The following CIMIP4 variants were observed in gnomAD, a reference collection of about 807,000 sequenced individuals.
CIMIP4 encodes protein EAN57.
At chr22:37,003,821 C>G in the CIMIP4 span, 1 of 687,408 alleles carries the variant, frequency 1.5e-6, no homozygotes, top group Non-Finnish European at 2.2e-6. Flanking sequence ...ACAGAATGCC[C>G]CCCTAGGAAG....
chr22:36,999,957 C>T, the CIMIP4 span: 52 of 1,613,198 alleles, frequency 3.2e-5, no homozygotes, highest in East Asian at 4.7e-4. Flanking sequence ...TTCTGGCCCT[C>T]GAAGACTTCA....
the CIMIP4 span, among the ~76,000 whole-genome samples, chr22:37,006,789 G>T: frequency 6.6e-6 from 1 of 152,166 alleles, no homozygotes; most frequent in Admixed American, 6.5e-5. Flanking sequence ...CTCCCCTTTG[G>T]TGTGGACTGG....
the CIMIP4 span, among the ~76,000 whole-genome samples, chr22:36,997,756 C>G: frequency 6.6e-6 from 1 of 152,208 alleles, no homozygotes; most frequent in Non-Finnish European, 1.5e-5. Context: ...CATCTCACTC[C>G]GAGTAAAGAC....
At chr22:37,002,200 C>A in the CIMIP4 span, 1 of 1,481,132 alleles carries the variant, frequency 6.8e-7, no homozygotes, top group South Asian at 1.4e-5. Context: ...GACCCTGGTT[C>A]TTGAACTTGG....
the CIMIP4 span, chr22:37,003,854 A>G: frequency 9.8e-6 from 11 of 1,120,770 alleles, no homozygotes; most frequent in Non-Finnish European, 1.1e-5. Flanking sequence ...GTGGGTCTGG[A>G]GGCCAACACA....
At chr22:36,991,950 A>C in the CIMIP4 span, among the ~76,000 whole-genome samples, 1 of 152,204 alleles carries the variant, frequency 6.6e-6, no homozygotes, top group Non-Finnish European at 1.5e-5. Flanking sequence ...AAATTCAAAC[A>C]TGCACAAGCA....
chr22:37,002,478 C>T, the CIMIP4 span, among the ~76,000 whole-genome samples: 2 of 152,030 alleles, frequency 1.3e-5, no homozygotes, highest in Admixed American at 1.3e-4. Context: ...GCGCAGGAAC[C>T]AGAGGCATGG....
chr22:36,995,327 A>G, the CIMIP4 span, among the ~76,000 whole-genome samples: 1 of 152,176 alleles, frequency 6.6e-6, no homozygotes, highest in Non-Finnish European at 1.5e-5. Context: ...TGTCCTTACC[A>G]TGGGCTGACC....
the CIMIP4 span, among the ~76,000 whole-genome samples, chr22:36,998,812 G>A: frequency 6.6e-6 from 1 of 152,204 alleles, no homozygotes; most frequent in East Asian, 1.9e-4. Context: ...CTTCCCAGGT[G>A]GCGCCACCTC....
the CIMIP4 span, chr22:36,991,430 T>C: frequency 6.3e-7 from 1 of 1,591,384 alleles, no homozygotes; most frequent in Non-Finnish European, 8.6e-7. Flanking sequence ...CAACACACCC[T>C]GCTGGTGGAG....
At chr22:36,998,662 T>C in the CIMIP4 span, among the ~76,000 whole-genome samples, 5 of 152,140 alleles carry the variant, frequency 3.3e-5, no homozygotes, top group South Asian at 2.1e-4. Flanking sequence ...TGCAGACTAC[T>C]GAGAGTTCTA....
chr22:37,003,072 A>G, the CIMIP4 span, among the ~76,000 whole-genome samples: 50 of 152,232 alleles, frequency 3.3e-4, 1 homozygote, highest in Admixed American at 1.3e-4. Flanking sequence ...CCAAAACTTC[A>G]AGTCCTCTTA....
the CIMIP4 span, among the ~76,000 whole-genome samples, chr22:36,995,117 A>G: frequency 0.017 from 2,623 of 152,338 alleles, 29 homozygotes; most frequent in Non-Finnish European, 0.025. Flanking sequence ...AAAGAGGAAG[A>G]CACCAAATAG....
the CIMIP4 span, among the ~76,000 whole-genome samples, chr22:36,992,742 C>A: frequency 6.6e-6 from 1 of 151,840 alleles, no homozygotes; most frequent in African/African-American, 2.4e-5. Context: ...AATAGCAGAT[C>A]AAATAAAGCT....
At chr22:36,994,634 T>TC in the CIMIP4 span, among the ~76,000 whole-genome samples, 138 of 148,558 alleles carry the variant, frequency 9.3e-4, 1 homozygote, top group African/African-American at 3.3e-3. Flanking sequence ...CCTGAGATTT[T>TC]TTTTTTTTTT....
the CIMIP4 span, among the ~76,000 whole-genome samples, chr22:37,002,554 A>G: frequency 2.6e-5 from 4 of 152,192 alleles, no homozygotes; most frequent in African/African-American, 9.7e-5. Context: ...GGGCAGGGTT[A>G]GTCCACATTG....
At chr22:37,001,705 G>T in the CIMIP4 span, 1 of 938,238 alleles carries the variant, frequency 1.1e-6, no homozygotes, top group Non-Finnish European at 1.5e-6. Context: ...CACAGTGTTT[G>T]GCACACAGCA....
chr22:36,991,439 A>C, the CIMIP4 span: 1 of 1,595,820 alleles, frequency 6.3e-7, no homozygotes, highest in Middle Eastern at 1.8e-4. Flanking sequence ...CTGCTGGTGG[A>C]GGACAGTCCC....
chr22:36,999,108 T>C, the CIMIP4 span, among the ~76,000 whole-genome samples: 1 of 151,762 alleles, frequency 6.6e-6, no homozygotes, highest in Non-Finnish European at 1.5e-5. Context: ...GCTAGGGGTG[T>C]GGGGAGCAGC....
Sources: gnomAD v4.1 joint callset for allele counts (sites outside exome capture counted in the v4.1 genomes callset) on GRCh38, gnomAD v4.1.1 for gene constraint, MANE v1.5 for transcripts, NCBI Gene and HGNC (gene_info 2026-07-23, HGNC 2026-07-21) for gene names.